ADAMTSL1: variants seen among roughly 807,000 people sequenced by gnomAD.
ADAMTSL1 encodes ADAMTS-like protein 1.
ADAMTSL1 carries 126 observed loss-of-function variants against 201.8 expected under a neutral mutation model. That is an observed-to-expected ratio of 0.62 (90% CI 0.54 to 0.72). The LOEUF is 0.72. Among genes scored for constraint, ADAMTSL1 ranks in the 30% least tolerant of loss-of-function variants. The pLI is 0.00. For synonymous variants in ADAMTSL1, 1,121 were observed against 903.4 expected (o/e 1.24, Z -4.32); for missense variants, 2,679 against 2,277.8 (o/e 1.18, Z -3.59).
intron 2 of ADAMTSL1, among the ~76,000 whole-genome samples, chr9:18,401,215 A>G (rs921239690): frequency 6.6e-6 from 1 of 152,236 alleles, no homozygotes; most frequent in Non-Finnish European, 1.5e-5. Flanking sequence ...GCCCTTGAGG[A>G]GTCTGAAGCT....
At chr9:18,024,147 G>T (rs1310896668) in intron 1 of ADAMTSL1, among the ~76,000 whole-genome samples, 1 of 151,894 alleles carries the variant, frequency 6.6e-6, no homozygotes, top group Non-Finnish European at 1.5e-5. Flanking sequence ...AAAATGGATT[G>T]ATATCTTTGT....
chr9:18,033,418 C>T (rs534586441), intron 1 of ADAMTSL1, among the ~76,000 whole-genome samples: 41 of 152,286 alleles, frequency 2.7e-4, no homozygotes, highest in Admixed American at 2.4e-3. Context: ...CTAAAGTTTA[C>T]TAAGTTGCTG....
chr9:17,946,670 A>G (rs988235205), intron 1 of ADAMTSL1, among the ~76,000 whole-genome samples: 2 of 152,128 alleles, frequency 1.3e-5, no homozygotes, highest in Non-Finnish European at 2.9e-5. Context: ...ATTATTCCAA[A>G]GTGAAGTTTG....
At position 18,831,327 on chromosome 9, in the gene ADAMTSL1, C is replaced by G. The variant is rs1824962398; in HGVS notation, c.4249+1350C>G. On this transcript the variant is annotated intron_variant, in intron 23 of 28. Coordinates refer to ENST00000380548, the MANE Select transcript of ADAMTSL1 (RefSeq NM_001040272.6). ...TTGGCTTACAAATAGTAAACTGACT[C>G]CCAGTGAAATGTGCGTTGTGAACTT... Among the ~76,000 whole-genome samples the G allele has an allele frequency of 3.3e-5, 5 of 152,306 alleles. No individual in the cohort carries two copies. The South Asian group carries it at 8.3e-4, about 25-fold the overall frequency.
At chr9:18,031,367 G>T (rs142755607) in intron 1 of ADAMTSL1, among the ~76,000 whole-genome samples, 8 of 151,988 alleles carry the variant, frequency 5.3e-5, no homozygotes, top group Non-Finnish European at 1.5e-5. Flanking sequence ...GTGGTGTGTT[G>T]TGTATAGTTG....
At chr9:18,464,713 A>C (rs527820737) in intron 2 of ADAMTSL1, among the ~76,000 whole-genome samples, 2 of 152,354 alleles carry the variant, frequency 1.3e-5, no homozygotes, top group African/African-American at 4.8e-5. Context: ...TCATAATTAC[A>C]GTGTTTTATT....
intron 1 of ADAMTSL1, among the ~76,000 whole-genome samples, chr9:17,936,432 C>T (rs1445688525): frequency 6.6e-6 from 1 of 152,146 alleles, no homozygotes; most frequent in Non-Finnish European, 1.5e-5. Context: ...TCTCTCTCAT[C>T]CCCAGAAACT....
intron 2 of ADAMTSL1, among the ~76,000 whole-genome samples, chr9:18,256,454 G>C (rs1486045915): frequency 6.6e-6 from 1 of 152,210 alleles, no homozygotes; most frequent in Non-Finnish European, 1.5e-5. Flanking sequence ...CCTGAGGTTG[G>C]AGGATATAGA....
chr9:18,776,508 G>T (rs549686972), intron 18 of ADAMTSL1, among the ~76,000 whole-genome samples: 1 of 152,216 alleles, frequency 6.6e-6, no homozygotes, highest in Non-Finnish European at 1.5e-5. Context: ...ACATTGGGTT[G>T]CCCACTGCAT....
At chr9:18,705,089 G>T (rs762846416) in intron 13 of ADAMTSL1, among the ~76,000 whole-genome samples, 55 of 152,182 alleles carry the variant, frequency 3.6e-4, no homozygotes, top group Non-Finnish European at 5.7e-4. Context: ...ACACATCTTT[G>T]TTGTGTTCCT....
chr9:18,334,596 G>C lies in ADAMTSL1; in HGVS notation c.208-170233G>C, dbSNP rs114143568. 5.5e-3 allele frequency among the ~76,000 whole-genome samples: 844 copies of C among 152,146 alleles called. 9 individuals carry two copies. Among genetic ancestry groups the C allele is most frequent in the African/African-American group, 0.02 (815 of 41,510 alleles). On this transcript the variant is annotated intron_variant, in intron 2 of 29. Transcript: ENST00000680146. ...TATTTTGTTTGATTTTTCAACACTG[G>C]ACATACTTACAAATCATCTTCTATA...
intron 23 of ADAMTSL1, among the ~76,000 whole-genome samples, chr9:18,840,611 A>G (rs1484537493): frequency 6.6e-6 from 1 of 152,178 alleles, no homozygotes; most frequent in Non-Finnish European, 1.5e-5. Context: ...CATTGAATCT[A>G]TAAATTACCT....
intron 1 of ADAMTSL1, among the ~76,000 whole-genome samples, chr9:18,129,830 A>G (rs1309836424): frequency 6.6e-6 from 1 of 152,214 alleles, no homozygotes; most frequent in Non-Finnish European, 1.5e-5. Flanking sequence ...ACGGCCAACA[A>G]GGAAGTAGCC....
intron 1 of ADAMTSL1, among the ~76,000 whole-genome samples, chr9:18,489,080 T>G (rs552923441): frequency 6.6e-6 from 1 of 152,304 alleles, no homozygotes; most frequent in African/African-American, 2.4e-5. Context: ...CGCAAGAGAT[T>G]CTGATACGGT....
chr9:18,655,122 G>GA (rs1828546915), intron 7 of ADAMTSL1, among the ~76,000 whole-genome samples: 1 of 152,200 alleles, frequency 6.6e-6, no homozygotes. Context: ...TTTTGCCAGT[G>GA]AAAAAGGAAA....
chr9:18,313,119 T>C (rs920559839), intron 2 of ADAMTSL1, among the ~76,000 whole-genome samples: 1 of 152,316 alleles, frequency 6.6e-6, no homozygotes, highest in Middle Eastern at 3.4e-3. Context: ...CACAGATTGC[T>C]GGGCTACACT....
chr9:18,540,050 T>C (rs1403896247), intron 3 of ADAMTSL1, among the ~76,000 whole-genome samples: 1 of 152,134 alleles, frequency 6.6e-6, no homozygotes, highest in East Asian at 1.9e-4. Context: ...AAGGTGACAG[T>C]TGAGCTGAGC....
intron 5 of ADAMTSL1, among the ~76,000 whole-genome samples, chr9:18,635,739 GA>G: frequency 6.6e-6 from 1 of 152,230 alleles, no homozygotes; most frequent in Non-Finnish European, 1.5e-5. Flanking sequence ...AATCCTCTAG[GA>G]GTTAACTAGT....
intron 2 of ADAMTSL1, among the ~76,000 whole-genome samples, chr9:18,270,452 T>C (rs1271337167): frequency 6.6e-6 from 1 of 152,324 alleles, no homozygotes; most frequent in East Asian, 1.9e-4. Flanking sequence ...TTTGTATCCT[T>C]ACCTAAATCC....
Sources: gnomAD v4.1 joint callset for allele counts (sites outside exome capture counted in the v4.1 genomes callset) on GRCh38, gnomAD v4.1.1 for gene constraint, MANE v1.5 for transcripts, NCBI Gene and HGNC (gene_info 2026-07-23, HGNC 2026-07-21) for gene names.